Variants in FGGY observed in about 807,000 individuals in gnomAD.
FGGY encodes the protein FGGY carbohydrate kinase domain-containing protein.
Under a neutral mutation model 71.3 loss-of-function variants are expected in FGGY, and 72 were observed. The observed-to-expected ratio is 1.01, with a 90% CI of 0.84 to 1.23. The LOEUF is 1.23. FGGY is among the 50% of genes most tolerant of loss of function. The probability of loss-of-function intolerance (pLI) is 0.00; values close to 1 mark genes in which losing one functional copy is unlikely to be tolerated. For missense variants in FGGY, 668 were observed against 682.3 expected, an observed-to-expected ratio of 0.98 and a Z score of 0.23; for synonymous variants, 251 against 250.3, an observed-to-expected ratio of 1.00 and a Z score of -0.02.
chr1:59,613,067 C>G (rs1014746677), intron 9 of FGGY, among the ~76,000 whole-genome samples: 2 of 152,216 alleles, frequency 1.3e-5, no homozygotes, highest in Non-Finnish European at 2.9e-5. Context: ...AACCACCCCA[C>G]TGACAACATT....
At chr1:59,720,705 A>ACATAAGAAACATATGTTTCTTATGTT (rs2097883811) in intron 14 of FGGY, among the ~76,000 whole-genome samples, 2 of 152,166 alleles carry the variant, frequency 1.3e-5, no homozygotes, top group Non-Finnish European at 2.9e-5. Context: ...TGTTATGATG[A>ACATAAGAAACATATGTTTCTTATGTT]ATACTTGTGC....
intron 12 of FGGY, among the ~76,000 whole-genome samples, chr1:59,661,666 T>C (rs1010756374): frequency 6.6e-6 from 1 of 152,124 alleles, no homozygotes; most frequent in Non-Finnish European, 1.5e-5. Context: ...ATGATTATGA[T>C]GATAATAATG....
chr1:59,556,865 C>T (rs2095695184), intron 8 of FGGY, among the ~76,000 whole-genome samples: 1 of 152,120 alleles, frequency 6.6e-6, no homozygotes, highest in Non-Finnish European at 1.5e-5. Context: ...GTTTGATGGG[C>T]AGCTGCAGTT....
At chr1:59,628,926 G>A (rs541764203) in intron 10 of FGGY, among the ~76,000 whole-genome samples, 2 of 152,130 alleles carry the variant, frequency 1.3e-5, no homozygotes, top group Non-Finnish European at 2.9e-5. Flanking sequence ...ATTTCATAAG[G>A]TTGTTGAGAA....
intron 4 of FGGY, among the ~76,000 whole-genome samples, chr1:59,375,675 G>A (rs915525217): frequency 1.2e-4 from 18 of 152,072 alleles, no homozygotes; most frequent in African/African-American, 4.3e-4. Context: ...GCTTTGATTG[G>A]TGACGGTTAG....
At chr1:59,757,822 A>G in intron 14 of FGGY, 109 bp from the exon 15 acceptor site, 2 of 696,744 alleles carry the variant, frequency 2.9e-6, no homozygotes, top group African/African-American at 1.8e-5. Flanking sequence ...AGGACTAACC[A>G]AATATCTTAA....
At chr1:59,382,715 A>G (rs181890957) in intron 5 of FGGY, among the ~76,000 whole-genome samples, 2 of 152,326 alleles carry the variant, frequency 1.3e-5, no homozygotes, top group Admixed American at 6.5e-5. Flanking sequence ...TTGTTAGTCA[A>G]GCAGTGCTAG....
chr1:59,600,441 G>T (rs926382048), intron 8 of FGGY, among the ~76,000 whole-genome samples: 2 of 152,294 alleles, frequency 1.3e-5, no homozygotes, highest in Middle Eastern at 3.4e-3. Flanking sequence ...AATTGTCATT[G>T]CACACATAGG....
intron 11 of FGGY, among the ~76,000 whole-genome samples, chr1:59,650,744 A>T (rs2097150051): frequency 7.4e-6 from 1 of 135,234 alleles, no homozygotes; most frequent in Non-Finnish European, 1.5e-5. Flanking sequence ...TTGTGTCTCT[A>T]TTTCCTTCAG....
intron 4 of FGGY, among the ~76,000 whole-genome samples, chr1:59,348,347 T>C (rs1557631409): frequency 6.6e-6 from 1 of 152,214 alleles, no homozygotes; most frequent in Non-Finnish European, 1.5e-5. Context: ...TCATCCCACC[T>C]GCACTCGAGT....
Position 59,613,535 on chromosome 1 carries a change from A to G in FGGY, c.1011+5625A>G, listed in dbSNP as rs140647339. 3.6e-3 allele frequency among the ~76,000 whole-genome samples: 544 copies of G among 152,340 alleles called. 3 individuals are homozygous for G. Among genetic ancestry groups the G allele is most frequent in the African/African-American group, 0.012 (480 of 41,582 alleles). On this transcript the variant is annotated intron_variant, in intron 9 of 15. Coordinates refer to ENST00000303721, the MANE Select transcript of FGGY (RefSeq NM_018291.5). Reference sequence around the variant, plus strand: ...AAATTTATAGCACTAAATGCCCACAAGAGAAAGCAGGAAAGGTGTAAAATT... The same window carrying G: ...AAATTTATAGCACTAAATGCCCACAGGAGAAAGCAGGAAAGGTGTAAAATT...
intron 10 of FGGY, among the ~76,000 whole-genome samples, chr1:59,636,515 C>T (rs917128722): frequency 4.6e-5 from 7 of 151,922 alleles, no homozygotes; most frequent in African/African-American, 1.2e-4. Context: ...CCCAGCTACT[C>T]GGGAGGCTGA....
chr1:59,744,277 G>A (rs1337864373), intron 14 of FGGY, among the ~76,000 whole-genome samples: 3 of 152,172 alleles, frequency 2.0e-5, no homozygotes, highest in African/African-American at 4.8e-5. Context: ...CTGGAGTGCA[G>A]TGGCACGATC....
chr1:59,492,248 C>T (rs1037563009), intron 6 of FGGY, among the ~76,000 whole-genome samples: 1 of 152,016 alleles, frequency 6.6e-6, no homozygotes, highest in African/African-American at 2.4e-5. Context: ...AATCTGTTTG[C>T]TTATTTGGGT....
At chr1:59,561,778 C>A (rs1232200638) in intron 8 of FGGY, among the ~76,000 whole-genome samples, 1 of 152,162 alleles carries the variant, frequency 6.6e-6, no homozygotes, top group Non-Finnish European at 1.5e-5. Context: ...ACACTTTGAG[C>A]CCTCTGGAAG....
intron 2 of FGGY, among the ~76,000 whole-genome samples, chr1:59,333,352 G>A (rs1160922718): frequency 1.3e-5 from 2 of 152,218 alleles, no homozygotes; most frequent in Non-Finnish European, 2.9e-5. Context: ...GGAAAGATTT[G>A]AAGCAACTAA....
chr1:59,518,518 A>C (rs886937319), intron 7 of FGGY, among the ~76,000 whole-genome samples: 1 of 152,230 alleles, frequency 6.6e-6, no homozygotes, highest in African/African-American at 2.4e-5. Flanking sequence ...TGCAAATTGT[A>C]ATCCCCAGTG....
chr1:59,584,045 C>T (rs1416800000), intron 8 of FGGY, among the ~76,000 whole-genome samples: 6 of 149,494 alleles, frequency 4.0e-5, no homozygotes, highest in African/African-American at 1.5e-4. Flanking sequence ...CAAAAAAAGT[C>T]CAGGACCGGA....
intron 11 of FGGY, among the ~76,000 whole-genome samples, chr1:59,647,819 A>G (rs2097111100): frequency 7.7e-6 from 1 of 129,982 alleles, no homozygotes; most frequent in South Asian, 2.7e-4. Context: ...ACATATGTAT[A>G]CATGTGCCAT....
Sources: gnomAD v4.1 joint callset for allele counts (sites outside exome capture counted in the v4.1 genomes callset) on GRCh38, gnomAD v4.1.1 for gene constraint, MANE v1.5 for transcripts, NCBI Gene and HGNC (gene_info 2026-07-23, HGNC 2026-07-21) for gene names.